HYCC2: variants seen among roughly 807,000 people sequenced by gnomAD.
HYCC2 encodes the protein hyccin 2.
chr2:201,042,280 T>A, the HYCC2 span, among the ~76,000 whole-genome samples: 4 of 152,074 alleles, frequency 2.6e-5, no homozygotes, highest in Admixed American at 2.6e-4. Context: ...CAGGCTGGAG[T>A]GCAGTGGCGT....
the HYCC2 span, among the ~76,000 whole-genome samples, chr2:201,023,406 T>C: frequency 1.3e-5 from 2 of 152,072 alleles, no homozygotes; most frequent in Non-Finnish European, 2.9e-5. Flanking sequence ...TAGGATGTTA[T>C]AGTACACAAT....
the HYCC2 span, chr2:200,993,026 A>G: frequency 1.4e-6 from 2 of 1,406,352 alleles, no homozygotes; most frequent in South Asian, 2.4e-5. Context: ...ACTATTTAAC[A>G]TGTGATTTCC....
At chr2:200,996,443 C>G in the HYCC2 span, 5 of 151,868 alleles carry the variant, frequency 3.3e-5, no homozygotes, top group African/African-American at 1.2e-4. Flanking sequence ...GCCTGTGCAA[C>G]ATTGTGAAAC....
At chr2:201,016,926 T>C in the HYCC2 span, 2 of 1,485,006 alleles carry the variant, frequency 1.3e-6, no homozygotes, top group Admixed American at 1.8e-5. Context: ...AAACATTCCT[T>C]AAGTATTATT....
chr2:201,019,686 G>T, the HYCC2 span, among the ~76,000 whole-genome samples: 1 of 152,092 alleles, frequency 6.6e-6, no homozygotes, highest in South Asian at 2.1e-4. Context: ...GAGCCCAGGA[G>T]GTTCAGTCTA....
chr2:201,052,964 G>A, the HYCC2 span, among the ~76,000 whole-genome samples: 1 of 152,184 alleles, frequency 6.6e-6, no homozygotes, highest in Non-Finnish European at 1.5e-5. Context: ...AGAAAGATTA[G>A]AGGTAGCAGT....
chr2:201,015,602 C>A, the HYCC2 span, among the ~76,000 whole-genome samples: 1 of 152,250 alleles, frequency 6.6e-6, no homozygotes, highest in South Asian at 2.1e-4. Flanking sequence ...TCTCTGCACA[C>A]CACCATAAGA....
the HYCC2 span, among the ~76,000 whole-genome samples, chr2:201,028,708 C>T: frequency 4.6e-5 from 7 of 152,000 alleles, no homozygotes; most frequent in East Asian, 1.9e-4. Context: ...AAACAAGAAA[C>T]GGGGAAAGGA....
At chr2:201,036,782 C>T in the HYCC2 span, among the ~76,000 whole-genome samples, 1 of 152,162 alleles carries the variant, frequency 6.6e-6, no homozygotes, top group African/African-American at 2.4e-5. Flanking sequence ...AACCCACAGC[C>T]AATATCATAC....
At chr2:201,042,854 T>TG in the HYCC2 span, among the ~76,000 whole-genome samples, 7,905 of 119,542 alleles carry the variant, frequency 0.066, 725 homozygotes, top group African/African-American at 0.23. Context: ...GTCTGGGAGG[T>TG]GGGGGGGCCC....
the HYCC2 span, chr2:200,981,137 T>C: frequency 9.5e-6 from 10 of 1,047,782 alleles, no homozygotes; most frequent in African/African-American, 1.4e-4. This position sits in a 1 kb window ranked among gnomAD's most constrained non-coding sequence, Gnocchi z 4.5. Flanking sequence ...CAAAATACAG[T>C]ATGAAGATAC....
the HYCC2 span, chr2:201,022,897 T>C: frequency 6.2e-7 from 1 of 1,613,778 alleles, no homozygotes; most frequent in Non-Finnish European, 8.5e-7. Context: ...GGTGTAAAGT[T>C]GCTGCATAAC....
chr2:200,986,834 T>C, the HYCC2 span, among the ~76,000 whole-genome samples: 1,119 of 152,314 alleles, frequency 7.3e-3, 8 homozygotes, highest in African/African-American at 0.026. Context: ...GCATACTTTG[T>C]CAAAGAGCTG....
the HYCC2 span, among the ~76,000 whole-genome samples, chr2:201,019,436 A>T: frequency 1.4e-3 from 220 of 152,218 alleles, 1 homozygote; most frequent in Middle Eastern, 0.034. Context: ...TTTTAATCAG[A>T]TACTACTACA....
chr2:201,033,196 T>TGTGTGTGTGAGA, the HYCC2 span, among the ~76,000 whole-genome samples: 26 of 106,254 alleles, frequency 2.4e-4, no homozygotes, highest in African/African-American at 7.9e-4. Context: ...TGTGTGTGTG[T>TGTGTGTGTGAGA]GAGAGAGAGA....
the HYCC2 span, among the ~76,000 whole-genome samples, chr2:200,994,436 T>A: frequency 6.6e-6 from 1 of 152,038 alleles, no homozygotes; most frequent in South Asian, 2.1e-4. Context: ...GGGGTTTCAC[T>A]ATGTTGGCCA....
chr2:201,043,085 G>GA, the HYCC2 span, among the ~76,000 whole-genome samples: 2 of 152,184 alleles, frequency 1.3e-5, no homozygotes, highest in Admixed American at 6.5e-5. Flanking sequence ...TCTGTACTAG[G>GA]AAAAATTCTT....
chr2:200,985,675 A>C, the HYCC2 span, among the ~76,000 whole-genome samples: 1 of 152,112 alleles, frequency 6.6e-6, no homozygotes, highest in East Asian at 1.9e-4. Context: ...AAAATAAATA[A>C]ATAAAACTAC....
the HYCC2 span, chr2:200,981,398 T>TC: frequency 6.2e-7 from 1 of 1,614,194 alleles, no homozygotes; most frequent in Non-Finnish European, 8.5e-7. The surrounding 1 kb of genome is among the most constrained non-coding windows in gnomAD (Gnocchi z 4.5). Flanking sequence ...AGACTGACAG[T>TC]TGAGTATCGA....
Sources: gnomAD v4.1 joint callset for allele counts (sites outside exome capture counted in the v4.1 genomes callset) on GRCh38, gnomAD v4.1.1 for gene constraint, Gnocchi (gnomAD v3.1) non-coding constraint, MANE v1.5 for transcripts, NCBI Gene and HGNC (gene_info 2026-07-23, HGNC 2026-07-21) for gene names.